ACSF3: variants seen among roughly 807,000 people sequenced by gnomAD.
ACSF3 encodes acyl-CoA synthetase family member 3.
In ACSF3, 78 loss-of-function variants were observed where a neutral mutation model predicts 53.2. That is an observed-to-expected ratio of 1.47 (90% CI 1.22 to 1.77). The LOEUF is 1.77. Among genes scored for constraint, ACSF3 ranks in the 40% most tolerant of loss-of-function variants. ACSF3 has a pLI of 0.00. For missense variants in ACSF3, 937 were observed against 771.1 expected, an observed-to-expected ratio of 1.22 and a Z score of -2.55; for synonymous variants, 414 against 333.1, an observed-to-expected ratio of 1.24 and a Z score of -2.65.
At chr16:89,110,653 G>A (rs754409626) in intron 4 of ACSF3, among the ~76,000 whole-genome samples, 21 of 152,212 alleles carry the variant, frequency 1.4e-4, no homozygotes, top group Middle Eastern at 6.8e-3. Flanking sequence ...TTGCCTTTTC[G>A]TGTAAAACGT....
At chr16:89,102,356 C>T in intron 3 of ACSF3, 2 of 556,740 alleles carry the variant, frequency 3.6e-6, no homozygotes, top group Middle Eastern at 4.8e-4. Flanking sequence ...CTTCTAAATT[C>T]CCTAAAGCCT....
intron 10 of ACSF3, 163 bp from the exon 11 acceptor site, chr16:89,153,927 G>A: frequency 1.5e-6 from 1 of 687,312 alleles, no homozygotes; most frequent in South Asian, 1.7e-5. Context: ...CTAGGGCAGA[G>A]ACAGCTGCGG....
In ACSF3 at chr16:89,111,941, G is replaced by A. The variant is rs544790192; in HGVS notation, c.823-151G>A. Reference sequence around the variant, plus strand: ...CCGCGCAACATGGCTTCTGTGGGAAGGGGTCAGAGTTTGAGGCACCCCTTT... The same window carrying A: ...CCGCGCAACATGGCTTCTGTGGGAAAGGGTCAGAGTTTGAGGCACCCCTTT... On this transcript the variant is annotated intron_variant, in intron 4 of 10. Transcript: ENST00000614302. 1.9e-4 allele frequency: 103 copies of A among 553,828 alleles called. 1 individual carries two copies. The East Asian group carries it at 4.0e-3, about 22-fold the overall frequency. The allele number at this position is 553,828 out of a possible 1,614,324, so 34.3% of individuals were successfully genotyped here. A position where few individuals can be genotyped will look rare whatever the true frequency, so the allele number is the denominator to read the frequency against.
intron 1 of ACSF3, among the ~76,000 whole-genome samples, chr16:89,095,550 G>A (rs894309093): frequency 7.3e-5 from 11 of 150,418 alleles, no homozygotes; most frequent in African/African-American, 1.7e-4. Flanking sequence ...CGCTCTCATC[G>A]GGGCAGCCGA....
chr16:89,140,360 C>T (rs1911510687), intron 8 of ACSF3, among the ~76,000 whole-genome samples: 1 of 152,072 alleles, frequency 6.6e-6, no homozygotes, highest in African/African-American at 2.4e-5. Flanking sequence ...CAGGCTTGGC[C>T]TCTCTGTACA....
At chr16:89,116,541 C>T (rs561434230) in intron 6 of ACSF3, among the ~76,000 whole-genome samples, 1 of 152,110 alleles carries the variant, frequency 6.6e-6, no homozygotes, top group African/African-American at 2.4e-5. Flanking sequence ...TGTAAAGTCT[C>T]GGTTTGGCTG....
At chr16:89,105,135 T>C (rs1168819596) in intron 4 of ACSF3, among the ~76,000 whole-genome samples, 1 of 86,910 alleles carries the variant, frequency 1.2e-5, no homozygotes, top group African/African-American at 3.9e-5. Flanking sequence ...CCCGTCTCCC[T>C]AACACATTCC....
At chr16:89,096,732 C>T (rs1030889049) in intron 1 of ACSF3, among the ~76,000 whole-genome samples, 1 of 152,218 alleles carries the variant, frequency 6.6e-6, no homozygotes, top group African/African-American at 2.4e-5. Flanking sequence ...AGGACTCCCC[C>T]CTTCCCTCGG....
intron 4 of ACSF3, among the ~76,000 whole-genome samples, chr16:89,109,708 C>T (rs528482375): frequency 1.1e-4 from 16 of 152,206 alleles, no homozygotes; most frequent in South Asian, 6.2e-4. Context: ...CCGCCGCACC[C>T]GGCCAGATGT....
At chr16:89,131,121 CTTTTTCTTTTTT>C (rs1437796553) in intron 7 of ACSF3, among the ~76,000 whole-genome samples, 1 of 114,938 alleles carries the variant, frequency 8.7e-6, no homozygotes, top group East Asian at 3.3e-4. Context: ...TTTTCTTTTT[CTTTTTCTTTTTT>C]TTTTTTTTTT....
chr16:89,143,239 G>T (rs1034665006), intron 8 of ACSF3, among the ~76,000 whole-genome samples: 2 of 152,120 alleles, frequency 1.3e-5, no homozygotes, highest in Non-Finnish European at 2.9e-5. Flanking sequence ...GCGTAGCTGT[G>T]GTGCAGCCTC....
intron 5 of ACSF3, 23 bp downstream of exon 5, chr16:89,112,269 C>G: frequency 6.2e-7 from 1 of 1,613,436 alleles, no homozygotes. Context: ...AGCCCACTTT[C>G]TCGTTCAGAA....
rs748589982 is a variant in ACSF3, at chr16:89,145,364, G to C, written c.1464G>C (p.Glu488Asp). ...KTGGYKVSAL[E>D]VEWHLLAHPS... ...GAGGCTACAAGGTCAGCGCCCTGGA[G>C]GTGGAGTGGCACCTGCTGGCCCACC... The change falls in exon 9 of 11, where the codon GAG (glutamate) becomes GAC (aspartate). Residue 488 changes from glutamate to aspartate, a missense_variant. Physicochemically the swap from Glu to Asp is conservative, Grantham distance 45 (BLOSUM62 2). Transcript: ENST00000614302. 1.2e-6 allele frequency: 2 copies of C among 1,614,218 alleles called. No homozygotes were observed. Among genetic ancestry groups the C allele is most frequent in the Non-Finnish European group, 1.7e-6 (2 of 1,180,032 alleles).
At chr16:89,100,601 T>C in intron 2 of ACSF3, 61 bp from the exon 3 acceptor site, 2 of 1,494,966 alleles carry the variant, frequency 1.3e-6, no homozygotes, top group South Asian at 2.4e-5. Flanking sequence ...TTAAATCCTG[T>C]CTTGGCCACG....
In ACSF3 at chr16:89,145,923, T is replaced by A; in HGVS notation, c.1502-15T>A. ...GAGGCATCCCCATGTTCTCAAACTGTTCTTCTATCCGCAGATGTGGCTGTG... is the reference window on the plus strand; with the variant it reads ...GAGGCATCCCCATGTTCTCAAACTGATCTTCTATCCGCAGATGTGGCTGTG... On this transcript the variant is annotated splice_polypyrimidine_tract_variant and intron_variant, in intron 9 of 10. Coordinates refer to ENST00000614302, the MANE Select transcript of ACSF3 (RefSeq NM_001243279.3). 2 of 1,606,236 alleles carry A rather than the reference T, an allele frequency of 1.2e-6. No individual in the cohort carries two copies. The highest frequency in any genetic ancestry group is 1.7e-6 in the Non-Finnish European group (2 of 1,176,544).
intron 7 of ACSF3, among the ~76,000 whole-genome samples, chr16:89,129,500 T>C (rs764240678): frequency 2.0e-5 from 3 of 152,234 alleles, no homozygotes; most frequent in Admixed American, 6.5e-5. Context: ...CCTACCTGTG[T>C]AATTGTATTT....
chr16:89,144,054 G>A (rs931478576), intron 8 of ACSF3, among the ~76,000 whole-genome samples: 13 of 152,222 alleles, frequency 8.5e-5, no homozygotes, highest in East Asian at 7.7e-4. Flanking sequence ...ACATGTGTGC[G>A]TGCACATGCT....
chr16:89,119,032 G>T (rs1905928968), intron 6 of ACSF3, among the ~76,000 whole-genome samples: 1 of 151,756 alleles, frequency 6.6e-6, no homozygotes, highest in South Asian at 2.1e-4. Context: ...GGCACCTGGA[G>T]TGTGGGGGCC....
intron 4 of ACSF3, among the ~76,000 whole-genome samples, chr16:89,104,434 C>T (rs1015000789): frequency 2.0e-4 from 31 of 152,290 alleles, no homozygotes; most frequent in South Asian, 2.1e-4. Flanking sequence ...CACCAGTGGC[C>T]GGCCCCACAC....
Sources: allele counts gnomAD v4.1 joint callset (sites outside exome capture counted in the v4.1 genomes callset), GRCh38; gene constraint gnomAD v4.1.1; transcripts MANE v1.5; gene names NCBI Gene and HGNC (gene_info 2026-07-23, HGNC 2026-07-21).